Variants in ADGRG6 observed in about 807,000 individuals in gnomAD.
ADGRG6 encodes G-protein coupled receptor 126.
Under a neutral mutation model 142.4 loss-of-function variants are expected in ADGRG6, and 84 were observed. That is an observed-to-expected ratio of 0.59 (90% CI 0.49 to 0.71). The LOEUF (loss-of-function observed/expected upper bound fraction) is 0.71. Among genes scored for constraint, ADGRG6 ranks in the 30% least tolerant of loss-of-function variants. The pLI is 0.00. For missense variants in ADGRG6, 1,367 were observed against 1,466.6 expected (o/e 0.93, Z 1.11); for synonymous variants, 521 against 520.5 (o/e 1.00, Z -0.01).
In ADGRG6 at chr6:142,339,355, G is replaced by A. The variant is rs185454988; in HGVS notation, c.104-28214G>A. Among the ~76,000 whole-genome samples, 119 of 152,238 alleles carry A rather than the reference G, an allele frequency of 7.8e-4. No homozygotes were observed. In the Middle Eastern group the frequency reaches 0.014, roughly 17 times the overall value. ...GGAGACCAGCAAATAGTAGAAATTGGCATGAAGCACTGAAATTAAAGATTT... is the reference window on the plus strand; with the variant it reads ...GGAGACCAGCAAATAGTAGAAATTGACATGAAGCACTGAAATTAAAGATTT... On this transcript the variant is annotated intron_variant, in intron 2 of 24. Coordinates refer to ENST00000367609, the MANE Select transcript of ADGRG6 (RefSeq NM_198569.3).
chr6:142,408,274 G>A lies in ADGRG6; in HGVS notation c.2388+5G>A, dbSNP rs1775915191. ...ATCAAACATACAAGAACTCAGGTAA[G>A]AAAACGCTCCCAATAGCATTTGGAC... On this transcript the variant is annotated splice_donor_5th_base_variant and intron_variant, in intron 16 of 24. Coordinates refer to ENST00000367609, the MANE Select transcript of ADGRG6 (RefSeq NM_198569.3). 1 of 1,552,330 alleles carries A rather than the reference G, an allele frequency of 6.4e-7. No individual in the cohort carries two copies. The highest frequency in any genetic ancestry group is 8.7e-7 in the Non-Finnish European group (1 of 1,145,702).
At chr6:142,382,741 T>C (rs921094048) in intron 5 of ADGRG6, among the ~76,000 whole-genome samples, 10 of 152,210 alleles carry the variant, frequency 6.6e-5, no homozygotes, top group African/African-American at 2.4e-4. Flanking sequence ...GCATGTTCTG[T>C]GTACCACATT....
At position 142,437,527 on chromosome 6, in the gene ADGRG6, A is replaced by T; in HGVS notation, c.3413A>T (p.Asp1138Val). The change falls in exon 23 of 25, where the codon GAT (aspartate) becomes GTT (valine). Residue 1138 changes from aspartate (D) to valine (V), a missense_variant. Physicochemically the swap from Asp to Val is radical, Grantham distance 152. Around this residue, in one of 3 missense-constraint regions of ADGRG6, gnomAD observed 344 missense variants for 348.7 expected, o/e 0.99. Coordinates refer to ENST00000367609, the MANE Select transcript of ADGRG6 (RefSeq NM_198569.3). ...HLCCGRFRLADNSDWSKTATN... is the reference protein window; with the variant it reads ...HLCCGRFRLAVNSDWSKTATN... ...TGCTGTGGTAGATTTCGGTTAGCAG[A>T]TAACTCAGGTAAAGAGTTGTTGATT... 1 of 1,449,684 alleles carries T rather than the reference A, an allele frequency of 6.9e-7. No individual in the cohort carries two copies. Among genetic ancestry groups the T allele is most frequent in the Non-Finnish European group, 9.7e-7 (1 of 1,030,036 alleles). 89.8% of individuals were successfully genotyped at this position (1,449,684 alleles called of 1,614,324 possible).
intron 1 of ADGRG6, among the ~76,000 whole-genome samples, chr6:142,305,130 TAAAGG>T (rs74273384): frequency 0.042 from 6,319 of 152,086 alleles, 183 homozygotes; most frequent in Non-Finnish European, 0.061. Flanking sequence ...ACAATCCAAA[TAAAGG>T]AAATTCAAAT....
chr6:142,319,038 G>T (rs182673877), intron 2 of ADGRG6, among the ~76,000 whole-genome samples: 2 of 152,224 alleles, frequency 1.3e-5, no homozygotes, highest in East Asian at 3.9e-4. Context: ...GGGTGGTAGG[G>T]CACTCAATGA....
At chr6:142,307,839 C>T (rs957369514) in intron 1 of ADGRG6, among the ~76,000 whole-genome samples, 3 of 151,922 alleles carry the variant, frequency 2.0e-5, no homozygotes, top group South Asian at 2.1e-4. Flanking sequence ...TTCCTGGTTT[C>T]GAATTTTCCT....
In ADGRG6 at chr6:142,419,811, C is replaced by CT; in HGVS notation, c.3036-4dup. The CT allele has an allele frequency of 1.3e-6, 2 of 1,581,648 alleles. No homozygotes were observed. The highest frequency in any genetic ancestry group is 1.7e-6 in the Non-Finnish European group (2 of 1,162,836). On this transcript the variant is annotated splice_polypyrimidine_tract_variant and intron_variant, in intron 21 of 24. Transcript: ENST00000367609. ...AATCTTTTTTTCTTTCTCATTTCTT[C>CT]TTTTTTAAGCTGTTGGATTCAAGAT...
chr6:142,381,292 G>A (rs1646519141), intron 4 of ADGRG6, among the ~76,000 whole-genome samples: 1 of 152,258 alleles, frequency 6.6e-6, no homozygotes, highest in Middle Eastern at 3.4e-3. Context: ...GTATTTGTGT[G>A]TGTTTATGAT....
At chr6:142,421,989 A>C (rs947003568) in intron 22 of ADGRG6, among the ~76,000 whole-genome samples, 14 of 152,100 alleles carry the variant, frequency 9.2e-5, no homozygotes, top group African/African-American at 3.4e-4. Context: ...AAATTTACTT[A>C]ATGGTTTTTA....
chr6:142,355,750 C>T (rs1177470707), intron 2 of ADGRG6, among the ~76,000 whole-genome samples: 1 of 152,084 alleles, frequency 6.6e-6, no homozygotes, highest in African/African-American at 2.4e-5. Context: ...TTCTGTAAGG[C>T]TTGCCTGCAG....
intron 8 of ADGRG6, among the ~76,000 whole-genome samples, chr6:142,393,664 T>A (rs1052769733): frequency 6.6e-6 from 1 of 152,210 alleles, no homozygotes; most frequent in East Asian, 1.9e-4. Flanking sequence ...CAGATTTTTT[T>A]ATCAGAACGT....
intron 2 of ADGRG6, among the ~76,000 whole-genome samples, chr6:142,333,732 A>G (rs186694401): frequency 3.3e-4 from 51 of 152,300 alleles, no homozygotes; most frequent in African/African-American, 1.2e-3. Flanking sequence ...GAGATCAATA[A>G]TACCTACTTC....
intron 6 of ADGRG6, among the ~76,000 whole-genome samples, chr6:142,384,384 A>C (rs1437050829): frequency 6.6e-6 from 1 of 152,210 alleles, no homozygotes; most frequent in Middle Eastern, 3.4e-3. Context: ...CAACTAAAAC[A>C]AATCAAATTT....
chr6:142,334,853 C>T (rs961982019), intron 2 of ADGRG6, among the ~76,000 whole-genome samples: 1 of 152,058 alleles, frequency 6.6e-6, no homozygotes, highest in African/African-American at 2.4e-5. Context: ...TGTGGCAATC[C>T]TTTTAAAACA....
intron 22 of ADGRG6, among the ~76,000 whole-genome samples, chr6:142,436,949 C>A (rs1349153620): frequency 6.6e-6 from 1 of 152,172 alleles, no homozygotes; most frequent in African/African-American, 2.4e-5. Flanking sequence ...GACCACTTTT[C>A]TATGGCCCAA....
intron 17 of ADGRG6, among the ~76,000 whole-genome samples, chr6:142,410,947 A>G (rs1268097728): frequency 1.6e-5 from 2 of 121,826 alleles, no homozygotes; most frequent in South Asian, 2.4e-4. Flanking sequence ...ATGTAGATTA[A>G]CCCTCAGAAA....
At chr6:142,437,627 G>T in intron 23 of ADGRG6, 92 bp downstream of exon 23, 1 of 725,384 alleles carries the variant, frequency 1.4e-6, no homozygotes, top group Non-Finnish European at 2.5e-6. Flanking sequence ...AGTCCCAGTG[G>T]TAGCAAGCTA....
At chr6:142,399,405 TAACA>T (rs973459382) in intron 10 of ADGRG6, among the ~76,000 whole-genome samples, 1 of 152,234 alleles carries the variant, frequency 6.6e-6, no homozygotes. Context: ...AAATACTTCT[TAACA>T]AATGGGGCTT....
intron 2 of ADGRG6, among the ~76,000 whole-genome samples, chr6:142,349,191 G>T (rs1780043516): frequency 6.6e-6 from 1 of 152,160 alleles, no homozygotes; most frequent in Non-Finnish European, 1.5e-5. Context: ...TCAAACATAA[G>T]ACAATGAAAT....
Sources: gnomAD v4.1 joint callset for allele counts (sites outside exome capture counted in the v4.1 genomes callset) on GRCh38, gnomAD v4.1.1 for gene constraint, gnomAD v4.1.1 regional missense constraint, MANE v1.5 for transcripts, NCBI Gene and HGNC (gene_info 2026-07-23, HGNC 2026-07-21) for gene names.